Variants in CHIC1 observed in about 807,000 individuals in gnomAD.
CHIC1 encodes the protein cysteine rich hydrophobic domain 1, also known as cysteine-rich hydrophobic domain-containing protein 1.
In CHIC1, 7 loss-of-function variants were observed where a neutral mutation model predicts 18.5. The ratio of observed to expected loss-of-function variants is 0.38; its 90% CI spans 0.22 to 0.71. CHIC1 has a LOEUF of 0.71. CHIC1 is among the 30% of genes least tolerant of loss of function. The pLI, the probability that CHIC1 is intolerant of heterozygous loss-of-function variation, is 0.49. For missense variants in CHIC1, 159 were observed against 176.9 expected (o/e 0.90, Z 0.57); for synonymous variants, 77 against 73.5 (o/e 1.05, Z -0.25).
chrX:73,655,283 CGT>C (rs1002330921), intron 3 of CHIC1, among the ~76,000 whole-genome samples: 73 of 101,087 alleles, frequency 7.2e-4, no homozygotes, highest in African/African-American at 1.7e-3. Context: ...TGTGTGTGTG[CGT>C]GTGTGTGTGT....
At chrX:73,612,640 T>C (rs150698701) in intron 3 of CHIC1, among the ~76,000 whole-genome samples, 17 of 111,916 alleles carry the variant, frequency 1.5e-4, no homozygotes, top group African/African-American at 5.2e-4. Flanking sequence ...GTTATTGATA[T>C]CTAGTTTTGT....
intron 3 of CHIC1, among the ~76,000 whole-genome samples, chrX:73,594,932 A>T (rs1275719213): frequency 9.0e-6 from 1 of 111,606 alleles, no homozygotes; most frequent in Non-Finnish European, 1.9e-5. Context: ...TCAGAATTTC[A>T]TTACCTTTTA....
At chrX:73,605,817 G>T (rs2057680212) in intron 3 of CHIC1, among the ~76,000 whole-genome samples, 1 of 108,325 alleles carries the variant, frequency 9.2e-6, no homozygotes, top group Non-Finnish European at 1.9e-5. Flanking sequence ...GTTGAATATT[G>T]GCCCCCACTC....
chrX:73,591,121 T>A (rs759485111), intron 3 of CHIC1, among the ~76,000 whole-genome samples: 1 of 111,934 alleles, frequency 8.9e-6, no homozygotes. Flanking sequence ...TTGTGGATTT[T>A]GGCCATTCTA....
chrX:73,617,767 C>T (rs2057739677), intron 3 of CHIC1, among the ~76,000 whole-genome samples: 1 of 111,746 alleles, frequency 8.9e-6, no homozygotes, highest in Non-Finnish European at 1.9e-5. Flanking sequence ...CACATACCTC[C>T]CACAACACAT....
At chrX:73,636,131 T>C (rs910543647) in intron 3 of CHIC1, among the ~76,000 whole-genome samples, 1 of 112,187 alleles carries the variant, frequency 8.9e-6, no homozygotes, top group African/African-American at 3.2e-5. Flanking sequence ...GTAAGATTTT[T>C]ACTTAAGGCC....
At chrX:73,646,182 AACCAATTG>A (rs2057888497) in intron 3 of CHIC1, among the ~76,000 whole-genome samples, 1 of 111,786 alleles carries the variant, frequency 8.9e-6, no homozygotes, top group Non-Finnish European at 1.9e-5. Flanking sequence ...AACTTTGTCA[AACCAATTG>A]ACCATGGTTT....
chrX:73,643,252 G>C (rs1364766155), intron 3 of CHIC1, among the ~76,000 whole-genome samples: 3 of 110,455 alleles, frequency 2.7e-5, no homozygotes, highest in Non-Finnish European at 5.7e-5. Context: ...TAGTCTGATG[G>C]GCTTCCCTTT....
At chrX:73,673,585 T>G (rs1362089415) in intron 3 of CHIC1, among the ~76,000 whole-genome samples, 1 of 112,093 alleles carries the variant, frequency 8.9e-6, no homozygotes, top group Non-Finnish European at 1.9e-5. Context: ...TTGTGATTTT[T>G]GTACATTGAT....
intron 3 of CHIC1, among the ~76,000 whole-genome samples, chrX:73,593,127 A>G (rs2057590202): frequency 9.0e-6 from 1 of 111,228 alleles, no homozygotes; most frequent in South Asian, 3.7e-4. Flanking sequence ...ATCAATCTAC[A>G]GATCTTGTTT....
Position 73,680,070 on chromosome X carries a change from TATCTGCATTCTGG to T in CHIC1, c.624+360_624+372del, listed in dbSNP as rs1018969761. Among the ~76,000 whole-genome samples, 10 of 109,311 alleles carry T rather than the reference TATCTGCATTCTGG, an allele frequency of 9.1e-5. No individual in the cohort carries two copies. In the South Asian group the frequency reaches 1.2e-3, roughly 13 times the overall value. The allele number at this position is 109,311 out of a possible 115,157, so 94.9% of individuals were successfully genotyped here. The stretch of plus-strand genomic sequence containing the variant: ...AAAACTTGCATAAAATAGGAGTTGA[TATCTGCATTCTGG>T]ATTCCTATTACTGGCTTTTTTTTTT... On this transcript the variant is annotated intron_variant, in intron 5 of 5. Transcript: ENST00000373502.
At chrX:73,600,254 A>G (rs1355001444) in intron 3 of CHIC1, among the ~76,000 whole-genome samples, 1 of 96,434 alleles carries the variant, frequency 1.0e-5, no homozygotes, top group African/African-American at 4.2e-5. Flanking sequence ...GGGGTTTTCT[A>G]GATATACAAT....
intron 1 of CHIC1, among the ~76,000 whole-genome samples, chrX:73,575,664 G>GA (rs2147542977): frequency 9.1e-6 from 1 of 109,592 alleles, no homozygotes; most frequent in South Asian, 3.7e-4. Context: ...ACCATGAATA[G>GA]ATGTTGAAGG....
At chrX:73,625,668 ACATCC>A (rs2057780219) in intron 3 of CHIC1, among the ~76,000 whole-genome samples, 1 of 111,353 alleles carries the variant, frequency 9.0e-6, no homozygotes, top group African/African-American at 3.3e-5. Flanking sequence ...GTAACAGTTA[ACATCC>A]CATAGTGTCA....
At chrX:73,576,869 G>A (rs2057501709) in intron 1 of CHIC1, among the ~76,000 whole-genome samples, 1 of 110,585 alleles carries the variant, frequency 9.0e-6, no homozygotes, top group African/African-American at 3.3e-5. Context: ...GAGCACAGAC[G>A]TGAAAGCCAT....
chrX:73,676,339 A>C (rs965806205), intron 3 of CHIC1, among the ~76,000 whole-genome samples: 1 of 111,934 alleles, frequency 8.9e-6, no homozygotes, highest in Non-Finnish European at 1.9e-5. Context: ...TCCAACTTGG[A>C]TCCATTCTCC....
intron 3 of CHIC1, among the ~76,000 whole-genome samples, chrX:73,649,440 A>G (rs1242037602): frequency 1.8e-5 from 2 of 111,798 alleles, no homozygotes; most frequent in African/African-American, 6.5e-5. Context: ...AGTGTGCTGT[A>G]TTCAGGAGAC....
chrX:73,591,482 A>G (rs1297897923), intron 3 of CHIC1, among the ~76,000 whole-genome samples: 2 of 111,560 alleles, frequency 1.8e-5, no homozygotes, highest in East Asian at 2.9e-4. Flanking sequence ...TCTACAAAGT[A>G]TGTGTTTTGC....
At chrX:73,680,537 A>G (rs2058093641) in intron 5 of CHIC1, among the ~76,000 whole-genome samples, 1 of 111,811 alleles carries the variant, frequency 8.9e-6, no homozygotes, top group African/African-American at 3.2e-5. Flanking sequence ...TCCAACTAAT[A>G]TCAGTTTCTT....
Sources: allele counts gnomAD v4.1 joint callset (sites outside exome capture counted in the v4.1 genomes callset), GRCh38; gene constraint gnomAD v4.1.1; transcripts MANE v1.5; gene names NCBI Gene and HGNC (gene_info 2026-07-23, HGNC 2026-07-21).